Variants in PROM1 observed in about 807,000 individuals in gnomAD.
PROM1 encodes the protein prominin 1, also known as prominin-1.
Under a neutral mutation model 116.9 loss-of-function variants are expected in PROM1, and 105 were observed. The ratio of observed to expected loss-of-function variants is 0.90; its 90% CI spans 0.77 to 1.06. The LOEUF (loss-of-function observed/expected upper bound fraction) is 1.06. Among genes scored for constraint, PROM1 ranks in the 50% least tolerant of loss-of-function variants. The pLI, the probability that PROM1 is intolerant of heterozygous loss-of-function variation, is 0.00. For missense variants in PROM1, 1,122 were observed against 1,045.2 expected (o/e 1.07, Z -1.01); for synonymous variants, 393 against 387.0 (o/e 1.02, Z -0.18).
rs540400845 is a variant in PROM1 at position 16,064,659 on chromosome 4, G to A, written c.220+11028C>T. Among the ~76,000 whole-genome samples, 17 of 152,282 alleles carry A rather than the reference G, an allele frequency of 1.1e-4. No individual in the cohort carries two copies. The South Asian group carries it at 1.5e-3, about 13-fold the overall frequency. On this transcript the variant is annotated intron_variant, in intron 2 of 27. Transcript: ENST00000447510. ...CAGAAAATTAGCACTTCGGGAGGCCGAGGTGGGCTGATCACCTGAGGTCAC... is the reference window on the plus strand; with the variant it reads ...CAGAAAATTAGCACTTCGGGAGGCCAAGGTGGGCTGATCACCTGAGGTCAC...
intron 26 of PROM1, among the ~76,000 whole-genome samples, chr4:15,974,991 T>A (rs1715744177): frequency 6.6e-6 from 1 of 152,216 alleles, no homozygotes; most frequent in African/African-American, 2.4e-5. Flanking sequence ...GTTGGTGTCA[T>A]CAATGGAAGC....
intron 5 of PROM1, among the ~76,000 whole-genome samples, chr4:16,028,365 G>T (rs1227463403): frequency 2.6e-5 from 4 of 152,170 alleles, no homozygotes; most frequent in Admixed American, 6.6e-5. Flanking sequence ...AGCTAAATCT[G>T]CAGGTCTCAA....
At chr4:16,000,028 C>A (rs907490504) in intron 14 of PROM1, among the ~76,000 whole-genome samples, 1 of 152,202 alleles carries the variant, frequency 6.6e-6, no homozygotes, top group African/African-American at 2.4e-5. Context: ...GCCAGGTCAG[C>A]CCTCTGCCAC....
rs867205228 is a variant in PROM1 at position 15,992,541 on chromosome 4, T to C, written c.1768-150A>G. On this transcript the variant is annotated intron_variant, in intron 16 of 27. Coordinates refer to ENST00000447510, the MANE Select transcript of PROM1 (RefSeq NM_006017.3). ...GCTGAGGTGGGAGGATCGCTTGAGC[T>C]CAGGAGTTCAAAACCAGCCAGGGCA... is the stretch of plus-strand genomic sequence containing the variant. The C allele has an allele frequency of 1.3e-4, 102 of 762,296 alleles. No individual in the cohort carries two copies. In the African/African-American group the frequency reaches 1.4e-3, roughly 11 times the overall value. The allele number at this position is 762,296 out of a possible 1,614,324, so 47.2% of individuals were successfully genotyped here. A position where few individuals can be genotyped will look rare whatever the true frequency, so the allele number is the denominator to read the frequency against.
chr4:16,019,423 A>T (rs1729253888), intron 8 of PROM1, among the ~76,000 whole-genome samples: 1 of 152,254 alleles, frequency 6.6e-6, no homozygotes, highest in Non-Finnish European at 1.5e-5. Context: ...CAAGAGGGCA[A>T]ACAACGCATA....
At chr4:16,078,571 T>G (rs1744424822) in intron 1 of PROM1, among the ~76,000 whole-genome samples, 2 of 152,208 alleles carry the variant, frequency 1.3e-5, no homozygotes, top group African/African-American at 4.8e-5. Flanking sequence ...ACTCTTCCTC[T>G]CTGTATTAAG....
intron 3 of PROM1, among the ~76,000 whole-genome samples, chr4:16,038,409 T>C (rs929741135): frequency 6.6e-6 from 1 of 152,176 alleles, no homozygotes; most frequent in African/African-American, 2.4e-5. Context: ...TATTTATTTG[T>C]TTATTTATTT....
At chr4:15,978,826 AG>A (rs2149028160) in intron 26 of PROM1, among the ~76,000 whole-genome samples, 2 of 152,354 alleles carry the variant, frequency 1.3e-5, no homozygotes, top group East Asian at 3.9e-4. Context: ...GCCTCAGAAG[AG>A]GACCGACCTC....
At chr4:16,006,478 A>T (rs746316286) in intron 13 of PROM1, 60 bp downstream of exon 13, 160 of 1,499,212 alleles carry the variant, frequency 1.1e-4, no homozygotes, top group Non-Finnish European at 1.3e-4. Context: ...CACCAGAGTC[A>T]GCACCCAGTC....
chr4:16,073,745 T>C (rs191201471), intron 2 of PROM1, among the ~76,000 whole-genome samples: 8 of 152,346 alleles, frequency 5.3e-5, no homozygotes, highest in African/African-American at 1.9e-4. Flanking sequence ...ATTACAATTC[T>C]TCAGTTCCCT....
At chr4:16,002,217 A>T (rs1475403262) in intron 13 of PROM1, among the ~76,000 whole-genome samples, 1 of 152,224 alleles carries the variant, frequency 6.6e-6, no homozygotes, top group Non-Finnish European at 1.5e-5. Flanking sequence ...CGAAAAAGAA[A>T]AAAAACAGAA....
chr4:15,998,880 T>C (rs1461028989), intron 14 of PROM1, among the ~76,000 whole-genome samples: 1 of 151,952 alleles, frequency 6.6e-6, no homozygotes, highest in East Asian at 2.0e-4. Context: ...GCCTGGCTAG[T>C]TTTGTAGTTT....
chr4:16,058,650 G>GA (rs74677849), intron 2 of PROM1, among the ~76,000 whole-genome samples: 5,122 of 129,666 alleles, frequency 0.04, 290 homozygotes, highest in African/African-American at 0.13. Flanking sequence ...CCATCTCCGG[G>GA]AAAAAAAAAA....
intron 2 of PROM1, among the ~76,000 whole-genome samples, chr4:16,045,902 C>T (rs572822152): frequency 7.6e-4 from 115 of 152,300 alleles, no homozygotes; most frequent in African/African-American, 2.7e-3. Context: ...AGAGTCATCC[C>T]AGGCCTGAGA....
rs192836261 is a variant in PROM1 at position 16,022,554 on chromosome 4, A to G, written c.784+772T>C. Among the ~76,000 whole-genome samples the G allele has an allele frequency of 4.0e-3, 606 of 152,212 alleles. 5 individuals carry two copies. Among genetic ancestry groups the G allele is most frequent in the African/African-American group, 0.014 (580 of 41,488 alleles). On this transcript the variant is annotated intron_variant, in intron 8 of 27. Coordinates refer to ENST00000447510, the MANE Select transcript of PROM1 (RefSeq NM_006017.3). ...CAAAAGGAACTGGAATAATTTTCCA[A>G]TTTCCACGCAATTCTCTTCTTTATG... is the stretch of plus-strand genomic sequence containing the variant.
At chr4:15,993,016 G>A (rs945478736) in intron 16 of PROM1, among the ~76,000 whole-genome samples, 5 of 152,250 alleles carry the variant, frequency 3.3e-5, no homozygotes, top group Non-Finnish European at 7.3e-5. Context: ...ATAGCACACA[G>A]AGAAGTGACC....
intron 16 of PROM1, among the ~76,000 whole-genome samples, chr4:15,993,411 GT>G (rs1356507643): frequency 9.2e-5 from 14 of 152,212 alleles, no homozygotes; most frequent in African/African-American, 3.4e-4. Context: ...TCAGGCCAGT[GT>G]GCCCTGGAAT....
intron 11 of PROM1, 50 bp downstream of exon 11, chr4:16,013,225 C>T (rs1727366577): frequency 6.9e-7 from 1 of 1,449,362 alleles, no homozygotes. Context: ...CAACACATTT[C>T]TCTGTACTGA....
chr4:16,082,765 G>C (rs1745277982), intron 1 of PROM1, among the ~76,000 whole-genome samples: 1 of 152,150 alleles, frequency 6.6e-6, no homozygotes, highest in Admixed American at 6.5e-5. Context: ...TCTTGCCAGA[G>C]AGAAGGGGTT....
Sources: gnomAD v4.1 joint callset for allele counts (sites outside exome capture counted in the v4.1 genomes callset) on GRCh38, gnomAD v4.1.1 for gene constraint, MANE v1.5 for transcripts, NCBI Gene and HGNC (gene_info 2026-07-23, HGNC 2026-07-21) for gene names.